ARHGAP24: variants seen among roughly 807,000 people sequenced by gnomAD.
ARHGAP24 encodes the protein Rho GTPase activating protein 24, also known as rho GTPase-activating protein 24.
A neutral mutation model predicts 76.4 loss-of-function variants in ARHGAP24; 50 were observed. That is an observed-to-expected ratio of 0.65 (90% confidence interval 0.52 to 0.83). The LOEUF is 0.83. Ranked by LOEUF, ARHGAP24 falls within the 40% of genes least tolerant of loss-of-function variation. ARHGAP24 has a pLI of 0.00. For missense variants in ARHGAP24, 930 were observed against 914.2 expected (o/e 1.02, Z -0.22); for synonymous variants, 345 against 323.3 (o/e 1.07, Z -0.72).
rs200021212 is a variant in ARHGAP24, at chr4:85,839,090, CACA to C, written c.269-84553_269-84551del. Among the ~76,000 whole-genome samples the C allele has an allele frequency of 5.7e-3, 865 of 152,262 alleles. 10 individuals carry two copies. The highest frequency in any genetic ancestry group is 0.02 in the African/African-American group (825 of 41,540). On this transcript the variant is annotated intron_variant, in intron 3 of 9. Transcript: ENST00000395184. ...GCTTAATTCCAAAGGGAAGGGGAAA[CACA>C]ACAATTACAATGAACTAAAAATGGT...
chr4:85,511,957 T>G (rs974505120), intron 1 of ARHGAP24, among the ~76,000 whole-genome samples: 6 of 152,204 alleles, frequency 3.9e-5, no homozygotes, highest in African/African-American at 1.4e-4. Context: ...GCTCTCCCTG[T>G]GGGTCTCACT....
intron 2 of ARHGAP24, among the ~76,000 whole-genome samples, chr4:85,598,608 GGAATT>G (rs1478030707): frequency 1.3e-5 from 2 of 152,068 alleles, no homozygotes; most frequent in East Asian, 3.9e-4. Context: ...GATCAATAAA[GGAATT>G]GAATAGTGTT....
At chr4:85,684,393 T>G (rs558241932) in intron 2 of ARHGAP24, among the ~76,000 whole-genome samples, 2 of 152,196 alleles carry the variant, frequency 1.3e-5, no homozygotes, top group Admixed American at 1.3e-4. Context: ...TAATTTTTTT[T>G]AATTTTGATT....
At chr4:85,823,500 C>G (rs1156452328) in intron 3 of ARHGAP24, among the ~76,000 whole-genome samples, 1 of 152,266 alleles carries the variant, frequency 6.6e-6, no homozygotes, top group African/African-American at 2.4e-5. Flanking sequence ...CACCAATGTT[C>G]CCATGTGTCC....
chr4:85,606,415 A>G (rs1720198674), intron 2 of ARHGAP24, among the ~76,000 whole-genome samples: 1 of 151,974 alleles, frequency 6.6e-6, no homozygotes, highest in Non-Finnish European at 1.5e-5. Context: ...CGGGAGGCTG[A>G]GGCAGGAGAA....
chr4:85,859,782 T>C (rs1731786059), intron 3 of ARHGAP24, among the ~76,000 whole-genome samples: 1 of 152,126 alleles, frequency 6.6e-6, no homozygotes, highest in Admixed American at 6.6e-5. Flanking sequence ...AGCCTACTAA[T>C]GAGACAGCCT....
At chr4:85,643,234 G>GGTTTTTTTTTT (rs1721592118) in intron 2 of ARHGAP24, among the ~76,000 whole-genome samples, 1 of 54,630 alleles carries the variant, frequency 1.8e-5, no homozygotes, top group African/African-American at 5.9e-5. Context: ...GTTTTTTTGT[G>GGTTTTTTTTTT]TTTTTTTTTT....
intron 2 of ARHGAP24, among the ~76,000 whole-genome samples, chr4:85,633,336 A>G (rs766122748): frequency 6.6e-6 from 1 of 151,932 alleles, no homozygotes; most frequent in Non-Finnish European, 1.5e-5. Context: ...CAGAATGTTT[A>G]GAAAGTTACC....
chr4:85,894,364 A>T (rs1393178247), intron 3 of ARHGAP24, among the ~76,000 whole-genome samples: 2 of 152,104 alleles, frequency 1.3e-5, no homozygotes, highest in Non-Finnish European at 2.9e-5. Context: ...AAGACATACC[A>T]AAAGGACAGG....
chr4:85,974,940 A>G lies in ARHGAP24; in HGVS notation c.785A>G (p.Asn262Ser), dbSNP rs1578454552. 1 of 1,613,834 alleles carries G rather than the reference A, an allele frequency of 6.2e-7. No homozygotes were observed. Among genetic ancestry groups the G allele is most frequent in the Non-Finnish European group, 8.5e-7 (1 of 1,179,848 alleles). The change falls in exon 7 of 10, where the codon AAC becomes AGC. Residue 262 changes from asparagine to serine, a missense_variant. Asn to Ser is a conservative substitution (Grantham distance 46). Transcript: ENST00000395184. Reference sequence around the variant, plus strand: ...AAGAGTTTGCCAGTGGTAAATTACAACCTCCTCAAGTATATTTGCAGGTAA... The same window carrying G: ...AAGAGTTTGCCAGTGGTAAATTACAGCCTCCTCAAGTATATTTGCAGGTAA... The part of the protein sequence containing the change: ...QVKSLPVVNY[N>S]LLKYICRFLD...
intron 3 of ARHGAP24, among the ~76,000 whole-genome samples, chr4:85,730,566 T>G (rs1243825750): frequency 6.6e-6 from 1 of 152,030 alleles, no homozygotes; most frequent in Non-Finnish European, 1.5e-5. Flanking sequence ...CACACCACCA[T>G]GCTCAGCTAA....
At chr4:85,614,465 C>T (rs1393422376) in intron 2 of ARHGAP24, among the ~76,000 whole-genome samples, 1 of 151,872 alleles carries the variant, frequency 6.6e-6, no homozygotes, top group African/African-American at 2.4e-5. Flanking sequence ...TCCACATGTA[C>T]CTCCCATACA....
intron 5 of ARHGAP24, among the ~76,000 whole-genome samples, chr4:85,958,485 T>A (rs1216830344): frequency 2.6e-5 from 4 of 152,198 alleles, no homozygotes; most frequent in Non-Finnish European, 5.9e-5. Flanking sequence ...CTCTTCAGTA[T>A]GTTTAATCCA....
At chr4:85,957,038 A>G (rs921849921) in intron 5 of ARHGAP24, among the ~76,000 whole-genome samples, 1 of 152,048 alleles carries the variant, frequency 6.6e-6, no homozygotes, top group Non-Finnish European at 1.5e-5. Flanking sequence ...TTTTTGCCTA[A>G]TTAGTATTTT....
At chr4:85,729,333 AAAGT>A (rs1725301110) in intron 3 of ARHGAP24, among the ~76,000 whole-genome samples, 2 of 152,246 alleles carry the variant, frequency 1.3e-5, no homozygotes, top group Admixed American at 1.3e-4. Context: ...GTTCTTAAAG[AAAGT>A]GTTTGAGATT....
chr4:85,580,896 A>G (rs960504988), intron 2 of ARHGAP24, among the ~76,000 whole-genome samples: 2 of 152,180 alleles, frequency 1.3e-5, no homozygotes, highest in African/African-American at 4.8e-5. Context: ...TTTAGCTTTT[A>G]GATTCCAGCA....
intron 1 of ARHGAP24, among the ~76,000 whole-genome samples, chr4:85,538,045 G>T (rs551113285): frequency 6.6e-6 from 1 of 151,714 alleles, no homozygotes; most frequent in South Asian, 2.1e-4. Flanking sequence ...AACAATCATT[G>T]GTGCCACTTT....
At chr4:85,954,412 C>T (rs182634151) in intron 5 of ARHGAP24, among the ~76,000 whole-genome samples, 16 of 152,272 alleles carry the variant, frequency 1.1e-4, no homozygotes, top group African/African-American at 3.9e-4. Context: ...TTATCATCTG[C>T]CTTCCCCATG....
chr4:85,848,582 G>A (rs986354236), intron 3 of ARHGAP24, among the ~76,000 whole-genome samples: 4 of 151,898 alleles, frequency 2.6e-5, no homozygotes, highest in South Asian at 2.1e-4. Flanking sequence ...CCAGTCTATC[G>A]TTGGACATTT....
Sources: gnomAD v4.1 joint callset for allele counts (sites outside exome capture counted in the v4.1 genomes callset) on GRCh38, gnomAD v4.1.1 for gene constraint, MANE v1.5 for transcripts, NCBI Gene and HGNC (gene_info 2026-07-23, HGNC 2026-07-21) for gene names.